DLC1: variants seen among roughly 807,000 people sequenced by gnomAD.
The protein encoded by DLC1 is rho GTPase-activating protein 7.
DLC1 carries 54 observed loss-of-function variants against 140.3 expected under a neutral mutation model. The ratio of observed to expected loss-of-function variants is 0.38; its 90% CI spans 0.31 to 0.48. The LOEUF is 0.48. DLC1 is among the 20% of genes least tolerant of loss of function. DLC1 has a pLI of 0.96. For synonymous variants in DLC1, 986 were observed against 728.1 expected (o/e 1.35, Z -5.70); for missense variants, 2,536 against 1,907.0 (o/e 1.33, Z -6.14).
At chr8:13,471,812 C>T (rs1800222730) in intron 2 of DLC1, among the ~76,000 whole-genome samples, 1 of 152,132 alleles carries the variant, frequency 6.6e-6, no homozygotes, top group Non-Finnish European at 1.5e-5. Context: ...CCTGGCAAAT[C>T]CTATCTCACT....
At chr8:13,328,153 A>G (rs1489545916) in intron 4 of DLC1, among the ~76,000 whole-genome samples, 1 of 152,160 alleles carries the variant, frequency 6.6e-6, no homozygotes, top group Non-Finnish European at 1.5e-5. Flanking sequence ...GAGCACCTAT[A>G]CGTGGGTTTT....
At chr8:13,215,773 A>G (rs971064114) in intron 5 of DLC1, among the ~76,000 whole-genome samples, 9 of 152,162 alleles carry the variant, frequency 5.9e-5, no homozygotes, top group African/African-American at 1.9e-4. Context: ...AATATTAAAC[A>G]CCCAGTCTTA....
chr8:13,472,390 T>G (rs1408164058), intron 2 of DLC1, among the ~76,000 whole-genome samples: 1 of 152,224 alleles, frequency 6.6e-6, no homozygotes, highest in Non-Finnish European at 1.5e-5. Flanking sequence ...TGTAGATATA[T>G]TTCTGTTTTT....
intron 5 of DLC1, among the ~76,000 whole-genome samples, chr8:13,191,105 T>G (rs1306482218): frequency 6.6e-6 from 1 of 152,102 alleles, no homozygotes. Flanking sequence ...AGAAAGGAAA[T>G]TACAAATGAC....
chr8:13,283,341 T>A (rs1005733702), intron 5 of DLC1, among the ~76,000 whole-genome samples: 5 of 150,608 alleles, frequency 3.3e-5, no homozygotes, highest in African/African-American at 1.2e-4. Flanking sequence ...AGAAATCAAC[T>A]TTTTTTTTCC....
intron 5 of DLC1, among the ~76,000 whole-genome samples, chr8:13,260,203 C>G (rs924629450): frequency 6.6e-6 from 1 of 152,102 alleles, no homozygotes; most frequent in Admixed American, 6.5e-5. Context: ...TGATCTTGAT[C>G]GTTTCTGAGC....
At chr8:13,155,633 C>G (rs1050646113) in intron 5 of DLC1, among the ~76,000 whole-genome samples, 10 of 151,950 alleles carry the variant, frequency 6.6e-5, no homozygotes, top group Non-Finnish European at 1.3e-4. Flanking sequence ...ATATTGTTTG[C>G]TATATTAAGT....
At chr8:13,186,463 G>C (rs1826374037) in intron 5 of DLC1, among the ~76,000 whole-genome samples, 1 of 151,966 alleles carries the variant, frequency 6.6e-6, no homozygotes, top group Non-Finnish European at 1.5e-5. Context: ...TTGTGCATGT[G>C]TCATGAAGTT....
chr8:13,110,590 T>C (rs1820004447), intron 7 of DLC1, 152 bp downstream of exon 7: 1 of 699,248 alleles, frequency 1.4e-6, no homozygotes, highest in Admixed American at 2.7e-5. Context: ...TTTTACTTAG[T>C]TTTTAATTAA....
intron 5 of DLC1, among the ~76,000 whole-genome samples, chr8:13,282,390 T>A (rs979360179): frequency 6.6e-6 from 1 of 152,200 alleles, no homozygotes; most frequent in East Asian, 1.9e-4. Context: ...CCTCAGGAAC[T>A]TTTTTCTATG....
At chr8:13,532,431 T>C (rs1441218801) in intron 1 of DLC1, among the ~76,000 whole-genome samples, 1 of 152,224 alleles carries the variant, frequency 6.6e-6, no homozygotes, top group East Asian at 1.9e-4. Flanking sequence ...GCAAATGTTG[T>C]TGTAAGCCTG....
chr8:13,217,699 G>A lies in DLC1; in HGVS notation c.1348+87570C>T, dbSNP rs555220656. Among the ~76,000 whole-genome samples, 520 of 152,014 alleles carry A rather than the reference G, an allele frequency of 3.4e-3. 1 individual carries two copies. Among genetic ancestry groups the A allele is most frequent in the African/African-American group, 0.011 (476 of 41,474 alleles). Reference sequence around the variant, plus strand: ...AATACAAAAAAAAAATTAGCCGGGCGTGGTGGTGGGCACCTGTAGTCCCAG... The same window carrying A: ...AATACAAAAAAAAAATTAGCCGGGCATGGTGGTGGGCACCTGTAGTCCCAG... On this transcript the variant is annotated intron_variant, in intron 5 of 17. Transcript: ENST00000276297.
rs149501348 is a variant in DLC1 at position 13,330,005 on chromosome 8, C to T, written c.1315-24703G>A. ...TTAGAGACAGAATTTTGCTCTGTTA[C>T]CCAGGCTGGAGTGCAGTGGCATGAT... On this transcript the variant is annotated intron_variant, in intron 4 of 17. Coordinates refer to ENST00000276297, the MANE Select transcript of DLC1 (RefSeq NM_182643.3). Among the ~76,000 whole-genome samples the T allele has an allele frequency of 4.5e-3, 682 of 152,150 alleles. 8 individuals are homozygous for T. The highest frequency in any genetic ancestry group is 4.9e-3 in the African/African-American group (205 of 41,512).
intron 5 of DLC1, among the ~76,000 whole-genome samples, chr8:13,158,841 A>C (rs1824464959): frequency 6.7e-6 from 1 of 149,068 alleles, no homozygotes; most frequent in African/African-American, 2.5e-5. Flanking sequence ...GTTTAGCTTC[A>C]TTTTATGACA....
chr8:13,528,876 T>G (rs1250361347), intron 1 of DLC1, among the ~76,000 whole-genome samples: 1 of 152,172 alleles, frequency 6.6e-6, no homozygotes, highest in East Asian at 1.9e-4. Context: ...CCATAACTGT[T>G]TTCTCTGGGT....
At chr8:13,366,781 T>C (rs1835501261) in intron 4 of DLC1, among the ~76,000 whole-genome samples, 1 of 152,068 alleles carries the variant, frequency 6.6e-6, no homozygotes, top group African/African-American at 2.4e-5. Context: ...CAGACCAAGG[T>C]CTCCCTTTCC....
rs534155349 is a variant in DLC1 at position 13,313,817 on chromosome 8, T to A, written c.1315-8515A>T. 7.2e-5 allele frequency among the ~76,000 whole-genome samples: 11 copies of A among 152,322 alleles called. No homozygotes were observed. The South Asian group carries it at 2.1e-3, about 29-fold the overall frequency. Reference sequence around the variant, plus strand: ...TTTTTTTTCTTATTTTCCCTAAGTTTTATAAAGCTCAGTGTGGAGGATATA... The same window carrying A: ...TTTTTTTTCTTATTTTCCCTAAGTTATATAAAGCTCAGTGTGGAGGATATA... On this transcript the variant is annotated intron_variant, in intron 4 of 17. Coordinates refer to ENST00000276297, the MANE Select transcript of DLC1 (RefSeq NM_182643.3).
chr8:13,595,726 A>AT (rs1253379451), intron 1 of DLC1, among the ~76,000 whole-genome samples: 1 of 152,052 alleles, frequency 6.6e-6, no homozygotes, highest in Non-Finnish European at 1.5e-5. Context: ...GAAAATATGT[A>AT]TTTTTAACAC....
At position 13,468,616 on chromosome 8, in the gene DLC1, C is replaced by T. The variant is rs912555820; in HGVS notation, c.1023+30433G>A. Among the ~76,000 whole-genome samples the T allele has an allele frequency of 2.6e-5, 4 of 151,904 alleles. No individual in the cohort carries two copies. The East Asian group carries it at 7.8e-4, about 30-fold the overall frequency. On this transcript the variant is annotated intron_variant, in intron 2 of 17. Coordinates refer to ENST00000276297, the MANE Select transcript of DLC1 (RefSeq NM_182643.3). ...TCTTAAATCCCTGGCTTCAAGCACTCCTCCCACCTCAGCCTCCCGAAGTGC... is the reference window on the plus strand; with the variant it reads ...TCTTAAATCCCTGGCTTCAAGCACTTCTCCCACCTCAGCCTCCCGAAGTGC...
Sources: gnomAD v4.1 joint callset for allele counts (sites outside exome capture counted in the v4.1 genomes callset) on GRCh38, gnomAD v4.1.1 for gene constraint, MANE v1.5 for transcripts, NCBI Gene and HGNC (gene_info 2026-07-23, HGNC 2026-07-21) for gene names.